SCN9A: variants seen among roughly 807,000 people sequenced by gnomAD.
SCN9A encodes sodium channel protein type 9 subunit alpha.
In SCN9A, 131 loss-of-function variants were observed where a neutral mutation model predicts 187.0. The ratio of observed to expected loss-of-function variants is 0.70; its 90% confidence interval spans 0.61 to 0.81. The LOEUF (loss-of-function observed/expected upper bound fraction) is 0.81. Among genes scored for constraint, SCN9A ranks in the 30% least tolerant of loss-of-function variants. The pLI is 0.00. For missense variants in SCN9A, 2,252 were observed against 2,396.6 expected (o/e 0.94, Z 1.26); for synonymous variants, 809 against 808.6 (o/e 1.00, Z -0.01).
chr2:166,274,333 A>T (rs1263099985), intron 16 of SCN9A, among the ~76,000 whole-genome samples: 1 of 152,132 alleles, frequency 6.6e-6, no homozygotes, highest in Non-Finnish European at 1.5e-5. Flanking sequence ...GAGAAGAAAT[A>T]TTAATAAAAT....
chr2:166,196,882 T>C lies in SCN9A; in HGVS notation c.*1790A>G, dbSNP rs1233864202. 2 of 152,078 alleles carry C rather than the reference T, an allele frequency of 1.3e-5. No individual in the cohort carries two copies. The highest frequency in any genetic ancestry group is 2.1e-4 in the South Asian group (1 of 4,834). 9.4% of individuals were successfully genotyped at this position (152,078 alleles called of 1,614,324 possible). A position where few individuals can be genotyped will look rare whatever the true frequency, so the allele number is the denominator to read the frequency against. On this transcript the variant is annotated 3_prime_UTR_variant, in exon 27 of 27. Coordinates refer to ENST00000642356, the MANE Select transcript of SCN9A (RefSeq NM_001365536.1). ...AGTTTTATACGTAGATTAGGACAAA[T>C]GTCTCAAAGTAATAACGGATGTTGT...
rs969377496 is a variant in SCN9A, at chr2:166,238,076, G to T, written c.3801+18C>A. On this transcript the variant is annotated intron_variant, in intron 20 of 26. Coordinates refer to ENST00000642356, the MANE Select transcript of SCN9A (RefSeq NM_001365536.1). ...GTAAGAATAAATCCTCTTTTAAAAT[G>T]TACTCAAAAGTACCTACATCAACAA... 1.9e-6 allele frequency: 3 copies of T among 1,584,588 alleles called. No individual in the cohort carries two copies. The South Asian group carries it at 3.4e-5, about 18-fold the overall frequency.
At chr2:166,365,878 G>T (rs1466624486) in intron 1 of SCN9A, among the ~76,000 whole-genome samples, 2 of 152,088 alleles carry the variant, frequency 1.3e-5, no homozygotes, top group Non-Finnish European at 2.9e-5. Flanking sequence ...TCCATGTGTT[G>T]TTCATTGCTA....
At chr2:166,315,454 G>A (rs1026175686) in intron 1 of SCN9A, among the ~76,000 whole-genome samples, 1 of 152,104 alleles carries the variant, frequency 6.6e-6, no homozygotes, top group African/African-American at 2.4e-5. Context: ...AGAGGCAAAG[G>A]GTGGTCAATG....
In SCN9A at chr2:166,288,581, G is replaced by C. The variant is rs959238132; in HGVS notation, c.1170C>G (p.Ser390=). 2 of 1,611,814 alleles carry C rather than the reference G, an allele frequency of 1.2e-6. No homozygotes were observed. The highest frequency in any genetic ancestry group is 1.7e-6 in the Non-Finnish European group (2 of 1,178,540). Reference sequence around the variant, plus strand: ...CCAGGATCAAGTTTATTAGATAAAAGGAGCCCAGGAAAATCACTACGACAA... The same window carrying C: ...CCAGGATCAAGTTTATTAGATAAAACGAGCCCAGGAAAATCACTACGACAA... ...IFFVVVIFLG[S]FYLINLILAV... is the part of the protein sequence containing the mutation. The change falls in exon 10 of 27, where the codon TCC becomes TCG. Residue 390 remains serine, a synonymous_variant. Coordinates refer to ENST00000642356, the MANE Select transcript of SCN9A (RefSeq NM_001365536.1).
intron 1 of SCN9A, among the ~76,000 whole-genome samples, chr2:166,366,953 T>C (rs1700431859): frequency 6.6e-6 from 1 of 152,214 alleles, no homozygotes; most frequent in South Asian, 2.1e-4. Flanking sequence ...GTCAACTTCT[T>C]GCATTACTGA....
At chr2:166,356,993 T>C (rs1700165675) in intron 1 of SCN9A, among the ~76,000 whole-genome samples, 1 of 152,144 alleles carries the variant, frequency 6.6e-6, no homozygotes, top group South Asian at 2.1e-4. Flanking sequence ...CAGGGGTACA[T>C]GCACAGGTTT....
intron 20 of SCN9A, among the ~76,000 whole-genome samples, chr2:166,234,901 G>T (rs1380805855): frequency 2.0e-5 from 3 of 152,250 alleles, no homozygotes; most frequent in Non-Finnish European, 2.9e-5. Context: ...GGAATATAGA[G>T]TAAGGGCTTA....
chr2:166,291,272 A>C (rs1257141107), intron 9 of SCN9A, among the ~76,000 whole-genome samples: 2 of 152,194 alleles, frequency 1.3e-5, no homozygotes, highest in Non-Finnish European at 2.9e-5. Flanking sequence ...AGGCATTCCT[A>C]TACACCAACA....
chr2:166,355,529 G>T (rs1019443533), intron 1 of SCN9A, among the ~76,000 whole-genome samples: 6 of 151,408 alleles, frequency 4.0e-5, no homozygotes, highest in Non-Finnish European at 8.8e-5. Context: ...GTGGGTGTGT[G>T]TGCACACGCT....
At chr2:166,287,355 C>T (rs1043903524) in intron 10 of SCN9A, among the ~76,000 whole-genome samples, 1 of 151,802 alleles carries the variant, frequency 6.6e-6, no homozygotes, top group South Asian at 2.1e-4. Flanking sequence ...TTTAATCCAT[C>T]ATTATTCTAA....
At position 166,228,690 on chromosome 2, in the gene SCN9A, C is replaced by A. The variant is rs767575494; in HGVS notation, c.4206+1G>T. 2 of 1,607,134 alleles carry A rather than the reference C, an allele frequency of 1.2e-6. No homozygotes were observed. Among genetic ancestry groups the A allele is most frequent in the Non-Finnish European group, 1.7e-6 (2 of 1,175,692 alleles). ...AAGCACTCATGAAATGGGACACTTA[C>A]AACTTGAAGCAGAGATAGGTAACCA... On this transcript the variant is annotated splice_donor_variant, in intron 22 of 26. Transcript: ENST00000642356. LOFTEE classifies it high-confidence loss of function.
intron 24 of SCN9A, among the ~76,000 whole-genome samples, chr2:166,217,369 C>T (rs1272655144): frequency 6.6e-6 from 1 of 151,948 alleles, no homozygotes; most frequent in Non-Finnish European, 1.5e-5. Flanking sequence ...TGGATTAGAT[C>T]AAACTAAAAA....
At chr2:166,357,530 C>T (rs1485999687) in intron 1 of SCN9A, among the ~76,000 whole-genome samples, 2 of 152,028 alleles carry the variant, frequency 1.3e-5, no homozygotes, top group Admixed American at 1.3e-4. Flanking sequence ...AAATGACACC[C>T]CCACCAGTGC....
chr2:166,315,741 G>A (rs1006047779), intron 1 of SCN9A, among the ~76,000 whole-genome samples: 10 of 152,128 alleles, frequency 6.6e-5, no homozygotes, highest in African/African-American at 1.9e-4. Context: ...GGGTTACAGA[G>A]GGCAACATAA....
intron 8 of SCN9A, 110 bp downstream of exon 8, chr2:166,294,489 T>G: frequency 2.8e-6 from 2 of 720,346 alleles, no homozygotes; most frequent in Middle Eastern, 5.1e-4. Context: ...AATAATACCA[T>G]GAAATATATA....
rs748503010 is a variant in SCN9A, at chr2:166,272,798, A to G, written c.2952T>C (p.Asp984=). The G allele has an allele frequency of 2.0e-6, 3 of 1,523,648 alleles. No homozygotes were observed. The highest frequency in any genetic ancestry group is 4.5e-5 in the Admixed American group (2 of 44,838). The allele number at this position is 1,523,648 out of a possible 1,614,324, so 94.4% of individuals were successfully genotyped here. A position where few individuals can be genotyped will look rare whatever the true frequency, so the allele number is the denominator to read the frequency against. ...TCACTGCAATCTGGAGGTTGTTTGC[A>G]TCAGGGTCTTCTTCAATTGCTGTAA... ...DNLTAIEEDP[D]ANNLQIAVTR... The change falls in exon 17 of 27, where the codon GAT becomes GAC. Residue 984 remains aspartate, a synonymous_variant. Coordinates refer to ENST00000642356, the MANE Select transcript of SCN9A (RefSeq NM_001365536.1).
chr2:166,353,222 C>CAAA (rs112222195), intron 1 of SCN9A, among the ~76,000 whole-genome samples: 13 of 80,840 alleles, frequency 1.6e-4, no homozygotes, highest in Admixed American at 2.7e-4. Context: ...TCCCTGTTTC[C>CAAA]AAAAAAAAAA....
At chr2:166,257,901 A>C (rs1696348570) in intron 17 of SCN9A, among the ~76,000 whole-genome samples, 1 of 151,558 alleles carries the variant, frequency 6.6e-6, no homozygotes, top group South Asian at 2.1e-4. Context: ...ACCAAATTTG[A>C]AATAGAAAAA....
Sources: allele counts gnomAD v4.1 joint callset (sites outside exome capture counted in the v4.1 genomes callset), GRCh38; gene constraint gnomAD v4.1.1; transcripts MANE v1.5; gene names NCBI Gene and HGNC (gene_info 2026-07-23, HGNC 2026-07-21).